QKI: variants seen among roughly 807,000 people sequenced by gnomAD.
QKI encodes QKI, KH domain containing RNA binding.
QKI carries 10 observed loss-of-function variants against 39.0 expected under a neutral mutation model. The ratio of observed to expected loss-of-function variants is 0.26; its 90% CI spans 0.16 to 0.43. The LOEUF (loss-of-function observed/expected upper bound fraction) is 0.43. Ranked by LOEUF, QKI falls within the 20% of genes least tolerant of loss-of-function variation. The pLI, the probability that QKI is intolerant of heterozygous loss-of-function variation, is 1.00. For missense variants in QKI, 218 were observed against 428.0 expected, an observed-to-expected ratio of 0.51 and a Z score of 4.33; for synonymous variants, 204 against 155.4, an observed-to-expected ratio of 1.31 and a Z score of -2.33.
At chr6:163,499,012 AT>A (rs1240667125) in intron 3 of QKI, among the ~76,000 whole-genome samples, 2 of 152,170 alleles carry the variant, frequency 1.3e-5, no homozygotes, top group African/African-American at 4.8e-5. Flanking sequence ...AGTATTTTAA[AT>A]TTTGTGCACG....
intron 3 of QKI, among the ~76,000 whole-genome samples, chr6:163,504,646 G>A (rs1778984970): frequency 6.6e-6 from 1 of 152,078 alleles, no homozygotes; most frequent in Non-Finnish European, 1.5e-5. Flanking sequence ...GGATGCATTG[G>A]CTGTCAGCTT....
intron 2 of QKI, among the ~76,000 whole-genome samples, chr6:163,456,548 A>G (rs1054501571): frequency 2.0e-5 from 3 of 152,216 alleles, no homozygotes; most frequent in Non-Finnish European, 2.9e-5. Context: ...TATGGACAGA[A>G]TACTAGTCTG....
At chr6:163,498,178 G>A (rs1360042302) in intron 3 of QKI, among the ~76,000 whole-genome samples, 2 of 109,662 alleles carry the variant, frequency 1.8e-5, no homozygotes, top group African/African-American at 7.4e-5. Context: ...TGCTCCTACC[G>A]CAGCTGTGGT....
In QKI at chr6:163,431,216, G is replaced by C. The variant is rs112962597; in HGVS notation, c.142+15881G>C. Among the ~76,000 whole-genome samples the C allele has an allele frequency of 7.7e-3, 1,166 of 152,112 alleles. 15 individuals are homozygous for C. The highest frequency in any genetic ancestry group is 0.027 in the African/African-American group (1,104 of 41,516). ...AAGTTATATTATTCCACTTAGGTTG[G>C]GCTTCAGGTTTCAATTGAAAGGAAG... On this transcript the variant is annotated intron_variant, in intron 1 of 7. Coordinates refer to ENST00000361752, the MANE Select transcript of QKI (RefSeq NM_006775.3).
Position 163,507,579 on chromosome 6 carries a change from G to A in QKI, c.403-27403G>A, listed in dbSNP as rs890071247. ...AAAAAGAAGGGAAAGAAAAGAGAAC[G>A]GGAATCCCCAAATTGTAGCTGACCC... On this transcript the variant is annotated intron_variant, in intron 3 of 7. Coordinates refer to ENST00000361752, the MANE Select transcript of QKI (RefSeq NM_006775.3). 9.9e-5 allele frequency among the ~76,000 whole-genome samples: 15 copies of A among 152,148 alleles called. 1 individual carries two copies. Among genetic ancestry groups the A allele is most frequent in the African/African-American group, 3.6e-4 (15 of 41,438 alleles).
intron 1 of QKI, among the ~76,000 whole-genome samples, chr6:163,438,470 A>G (rs1192177725): frequency 6.6e-6 from 1 of 152,214 alleles, no homozygotes; most frequent in East Asian, 1.9e-4. Context: ...GTGTACTTGC[A>G]TAAATCTAGA....
At chr6:163,544,388 T>G (rs1316033344) in intron 4 of QKI, among the ~76,000 whole-genome samples, 1 of 152,034 alleles carries the variant, frequency 6.6e-6, no homozygotes, top group Non-Finnish European at 1.5e-5. Context: ...CTGGAACCAG[T>G]TCCCCGCAGA....
chr6:163,481,263 A>G (rs563089305), intron 3 of QKI, among the ~76,000 whole-genome samples: 2 of 152,302 alleles, frequency 1.3e-5, no homozygotes, highest in African/African-American at 4.8e-5. Context: ...GTGTGTGCGT[A>G]TATATATAAT....
intron 7 of QKI, chr6:163,568,668 G>C: frequency 1.0e-6 from 1 of 979,488 alleles, no homozygotes; most frequent in Non-Finnish European, 1.2e-6. Flanking sequence ...AAGTTTATTA[G>C]TATAAGCATT....
chr6:163,418,076 G>T, intron 1 of QKI, among the ~76,000 whole-genome samples: 1 of 147,352 alleles, frequency 6.8e-6, no homozygotes, highest in African/African-American at 2.5e-5. Context: ...CATGACTTTT[G>T]TTTCTGGTTA....
At chr6:163,492,806 G>T (rs1230625437) in intron 3 of QKI, among the ~76,000 whole-genome samples, 1 of 152,108 alleles carries the variant, frequency 6.6e-6, no homozygotes, top group East Asian at 1.9e-4. Flanking sequence ...GGATGCTTCA[G>T]GGTGTGTAAT....
rs561900336 is a variant in QKI at position 163,507,406 on chromosome 6, A to G, written c.403-27576A>G. Reference sequence around the variant, plus strand: ...CTACTCCAAGGAACTCTGTAGGATGAGTGTAAGCAGAGTCTGAAATAGAGT... The same window carrying G: ...CTACTCCAAGGAACTCTGTAGGATGGGTGTAAGCAGAGTCTGAAATAGAGT... On this transcript the variant is annotated intron_variant, in intron 3 of 7. Coordinates refer to ENST00000361752, the MANE Select transcript of QKI (RefSeq NM_006775.3). Among the ~76,000 whole-genome samples the G allele has an allele frequency of 3.9e-5, 6 of 152,330 alleles. No homozygotes were observed. The East Asian group carries it at 1.2e-3, about 29-fold the overall frequency.
chr6:163,510,271 AAAGC>A (rs1320813941), intron 3 of QKI, among the ~76,000 whole-genome samples: 26 of 146,584 alleles, frequency 1.8e-4, no homozygotes, highest in South Asian at 2.1e-4. Context: ...AGTAAACTAA[AAAGC>A]AAGCCAAGTG....
chr6:163,476,894 C>T lies in QKI; in HGVS notation c.286-1886C>T, dbSNP rs1472555835. Among the ~76,000 whole-genome samples, 2 of 152,078 alleles carry T rather than the reference C, an allele frequency of 1.3e-5. 1 individual carries two copies. Among genetic ancestry groups the T allele is most frequent in the Non-Finnish European group, 2.9e-5 (2 of 68,028 alleles). On this transcript the variant is annotated intron_variant, in intron 2 of 7. Transcript: ENST00000361752. ...TACTGGACCTTGTGTATGTATTGTG[C>T]TATACACATACATATCTGTACATGC...
At chr6:163,490,527 A>G (rs1777986425) in intron 3 of QKI, among the ~76,000 whole-genome samples, 2 of 152,168 alleles carry the variant, frequency 1.3e-5, no homozygotes, top group Admixed American at 1.3e-4. Flanking sequence ...GTAAAATGGT[A>G]TTCTAGACAT....
intron 1 of QKI, among the ~76,000 whole-genome samples, chr6:163,430,549 C>G (rs11965425): frequency 2.6e-5 from 4 of 151,958 alleles, no homozygotes; most frequent in Admixed American, 6.6e-5. Flanking sequence ...ATGAATTGAT[C>G]AGGAGCATGG....
chr6:163,468,845 A>T (rs570112605), intron 2 of QKI, among the ~76,000 whole-genome samples: 13 of 152,178 alleles, frequency 8.5e-5, no homozygotes, highest in Non-Finnish European at 1.6e-4. Context: ...ATGAATTTTA[A>T]TGCAAGGCAA....
At chr6:163,436,596 T>G (rs556989565) in intron 1 of QKI, among the ~76,000 whole-genome samples, 7 of 151,952 alleles carry the variant, frequency 4.6e-5, no homozygotes, top group South Asian at 2.1e-4. Flanking sequence ...GGCTGATCAC[T>G]TGAGGCCAGG....
intron 3 of QKI, among the ~76,000 whole-genome samples, chr6:163,529,686 T>G (rs971057571): frequency 6.6e-6 from 1 of 152,100 alleles, no homozygotes; most frequent in Non-Finnish European, 1.5e-5. Flanking sequence ...TCGTGGGAAG[T>G]GAATGAACAC....
Sources: gnomAD v4.1 joint callset for allele counts (sites outside exome capture counted in the v4.1 genomes callset) on GRCh38, gnomAD v4.1.1 for gene constraint, MANE v1.5 for transcripts, NCBI Gene and HGNC (gene_info 2026-07-23, HGNC 2026-07-21) for gene names.